The following PNPLA8 variants were observed in gnomAD, a reference collection of about 807,000 sequenced individuals.
The protein encoded by PNPLA8 is patatin like domain 8, phospholipase A2, also known as calcium-independent phospholipase A2-gamma.
In PNPLA8, 39 loss-of-function variants were observed where a neutral mutation model predicts 76.9. The observed-to-expected ratio is 0.51, with a 90% CI of 0.39 to 0.66. The LOEUF (loss-of-function observed/expected upper bound fraction) is 0.66. Ranked by LOEUF, PNPLA8 falls within the 30% of genes least tolerant of loss-of-function variation. PNPLA8 has a pLI of 0.00. For missense variants in PNPLA8, 887 were observed against 918.0 expected (o/e 0.97, Z 0.44); for synonymous variants, 301 against 307.9 (o/e 0.98, Z 0.24).
intron 2 of PNPLA8, among the ~76,000 whole-genome samples, chr7:108,515,842 C>T (rs1051016283): frequency 3.9e-5 from 6 of 152,110 alleles, no homozygotes; most frequent in East Asian, 1.9e-4. Context: ...ATAAGTCTTC[C>T]GTTGCACAAC....
At chr7:108,521,613 G>C in intron 1 of PNPLA8, 92 bp from the exon 2 acceptor site, 18 of 159,724 alleles carry the variant, frequency 1.1e-4, no homozygotes, top group South Asian at 2.0e-4. Context: ...AGGGGAAGAA[G>C]GCCACAGAGT....
At chr7:108,505,840 T>C (rs40856) in intron 4 of PNPLA8, among the ~76,000 whole-genome samples, 98,336 of 151,952 alleles carry the variant, frequency 0.65, 32,399 homozygotes, top group African/African-American at 0.77. Flanking sequence ...TACACATACA[T>C]ACCGCACATA....
chr7:108,481,273 A>C (rs1404058427), intron 9 of PNPLA8, among the ~76,000 whole-genome samples: 2 of 152,360 alleles, frequency 1.3e-5, no homozygotes, highest in East Asian at 1.9e-4. Context: ...TTAACTTTAT[A>C]AGAAACTGCC....
intron 7 of PNPLA8, 48 bp downstream of exon 7, chr7:108,496,536 A>T: frequency 1.7e-6 from 2 of 1,184,432 alleles, no homozygotes; most frequent in Non-Finnish European, 2.4e-6. Flanking sequence ...TAATATGCAC[A>T]TACTACCTAT....
chr7:108,511,056 A>T (rs40873), intron 4 of PNPLA8: 1 of 642,864 alleles, frequency 1.6e-6, no homozygotes. Context: ...AAAAAAAAAA[A>T]AAAGAAAACT....
chr7:108,479,486 A>C, intron 9 of PNPLA8, 107 bp from the exon 10 acceptor site: 1 of 768,986 alleles, frequency 1.3e-6, no homozygotes, highest in Non-Finnish European at 2.1e-6. Context: ...GTTCCTTAAA[A>C]GTGCATTTCT....
chr7:108,478,748 G>A (rs1230244515), intron 10 of PNPLA8, among the ~76,000 whole-genome samples: 1 of 152,134 alleles, frequency 6.6e-6, no homozygotes, highest in Non-Finnish European at 1.5e-5. Flanking sequence ...AACTATAGGG[G>A]CAGCAAGAGT....
At chr7:108,492,574 A>G (rs1861259677) in intron 7 of PNPLA8, among the ~76,000 whole-genome samples, 1 of 152,192 alleles carries the variant, frequency 6.6e-6, no homozygotes, top group South Asian at 2.1e-4. Flanking sequence ...AAACTTGTAA[A>G]AAAAGCAATG....
chr7:108,491,320 T>C, intron 8 of PNPLA8, 90 bp downstream of exon 8: 1 of 788,980 alleles, frequency 1.3e-6, no homozygotes, highest in Non-Finnish European at 2.2e-6. Context: ...AAAATAAAAA[T>C]AAAATAAAAT....
intron 4 of PNPLA8, among the ~76,000 whole-genome samples, chr7:108,504,006 T>C (rs1227469038): frequency 6.6e-6 from 1 of 152,146 alleles, no homozygotes; most frequent in Admixed American, 6.6e-5. Context: ...TTTGTATTCT[T>C]GAGATTTTAG....
chr7:108,479,556 T>C, intron 9 of PNPLA8, 177 bp from the exon 10 acceptor site: 1 of 633,304 alleles, frequency 1.6e-6, no homozygotes, highest in Non-Finnish European at 2.8e-6. Context: ...ATAAAGAAAC[T>C]TTTTATTAAG....
intron 1 of PNPLA8, among the ~76,000 whole-genome samples, chr7:108,521,722 CT>C (rs1354397702): frequency 6.6e-6 from 1 of 152,022 alleles, no homozygotes; most frequent in Non-Finnish European, 1.5e-5. Context: ...AAAAAGCATT[CT>C]AGTCAGAGAG....
chr7:108,512,347 C>T (rs963330443), intron 4 of PNPLA8, among the ~76,000 whole-genome samples: 6 of 152,066 alleles, frequency 3.9e-5, no homozygotes, highest in African/African-American at 1.4e-4. Context: ...CCCTACAATG[C>T]TTTGTGCTGC....
Position 108,479,278 on chromosome 7 carries a change from A to T in PNPLA8, c.1980T>A (p.Thr660=). ...VPLECIVSLG[T]GRYESDVRNT... ...TTCTCACATCACTCTCATAACGTCC[A>T]GTGCCCAGGGATACTATGCACTCTA... The change falls in exon 10 of 11, where the codon ACT becomes ACA. Residue 660 remains threonine, a synonymous_variant. Transcript: ENST00000257694. The T allele has an allele frequency of 5.0e-6, 8 of 1,612,858 alleles. No individual in the cohort carries two copies. Among genetic ancestry groups the T allele is most frequent in the Non-Finnish European group, 6.8e-6 (8 of 1,178,786 alleles).
intron 2 of PNPLA8, among the ~76,000 whole-genome samples, chr7:108,518,986 A>G (rs1269549146): frequency 1.3e-5 from 2 of 151,680 alleles, no homozygotes; most frequent in Non-Finnish European, 2.9e-5. Context: ...TTTTGTAATT[A>G]GAAAAAGCAA....
intron 8 of PNPLA8, among the ~76,000 whole-genome samples, chr7:108,490,379 T>TTATAGCCTAGGAACTATA (rs1481332652): frequency 7.0e-6 from 1 of 142,180 alleles, no homozygotes. Flanking sequence ...CTATAATACT[T>TTATAGCCTAGGAACTATA]GCACAATGAC....
At chr7:108,502,428 G>A (rs1017609165) in intron 5 of PNPLA8, 63 bp downstream of exon 5, 154 of 1,415,114 alleles carry the variant, frequency 1.1e-4, no homozygotes, top group Non-Finnish European at 3.0e-5. Flanking sequence ...GGGCAACAGA[G>A]GGAAACTCCA....
chr7:108,511,413 T>C (rs1862922780), intron 4 of PNPLA8, among the ~76,000 whole-genome samples: 1 of 152,224 alleles, frequency 6.6e-6, no homozygotes, highest in African/African-American at 2.4e-5. Context: ...TGATGCATTA[T>C]GAGGCACATG....
At chr7:108,525,992 C>T (rs1034722179) in intron 1 of PNPLA8, 37 bp downstream of exon 1, 7 of 930,084 alleles carry the variant, frequency 7.5e-6, no homozygotes, top group South Asian at 9.9e-5. Flanking sequence ...CAACCAGCCT[C>T]CTATCGTCCC....
Sources: gnomAD v4.1 joint callset for allele counts (sites outside exome capture counted in the v4.1 genomes callset) on GRCh38, gnomAD v4.1.1 for gene constraint, MANE v1.5 for transcripts, NCBI Gene and HGNC (gene_info 2026-07-23, HGNC 2026-07-21) for gene names.